The following C12orf42 variants were observed in gnomAD, a reference collection of about 807,000 sequenced individuals.
C12orf42 encodes chromosome 12 open reading frame 42.
Under a neutral mutation model 21.6 loss-of-function variants are expected in C12orf42, and 25 were observed. The observed-to-expected ratio is 1.16, with a 90% CI of 0.84 to 1.62. C12orf42 has a LOEUF of 1.62. Ranked by LOEUF, C12orf42 falls within the 40% of genes most tolerant of loss-of-function variation. C12orf42 has a pLI of 0.00. For missense variants in C12orf42, 483 were observed against 459.3 expected (o/e 1.05, Z -0.47); for synonymous variants, 174 against 175.0 (o/e 0.99, Z 0.05).
intron 2 of C12orf42, among the ~76,000 whole-genome samples, chr12:103,440,207 A>G (rs1951092333): frequency 7.0e-6 from 1 of 142,628 alleles, no homozygotes; most frequent in Non-Finnish European, 1.5e-5. Context: ...GAACTGAACA[A>G]TGAGATCACA....
intron 4 of C12orf42, among the ~76,000 whole-genome samples, chr12:103,310,253 T>C (rs905415834): frequency 1.3e-5 from 2 of 151,602 alleles, no homozygotes; most frequent in African/African-American, 4.9e-5. Flanking sequence ...CCTTCTCCCC[T>C]ACTCTCTCTC....
chr12:103,462,834 T>C (rs1316751), intron 2 of C12orf42, among the ~76,000 whole-genome samples: 125,696 of 152,150 alleles, frequency 0.83, 51,966 homozygotes, highest in Admixed American at 0.88. Context: ...AGAATAATAA[T>C]AATGCATTCA....
At chr12:103,353,930 A>AG (rs1420488778) in intron 4 of C12orf42, among the ~76,000 whole-genome samples, 3 of 152,166 alleles carry the variant, frequency 2.0e-5, no homozygotes, top group African/African-American at 7.2e-5. Flanking sequence ...CCAAAGAAAG[A>AG]GAAAGAAATC....
chr12:103,260,913 G>A (rs2034866345), intron 10 of C12orf42, among the ~76,000 whole-genome samples: 1 of 152,076 alleles, frequency 6.6e-6, no homozygotes, highest in South Asian at 2.1e-4. Flanking sequence ...CCCCTGAGTA[G>A]TCATGTTACC....
intron 4 of C12orf42, among the ~76,000 whole-genome samples, chr12:103,287,842 C>A (rs1452929897): frequency 6.6e-6 from 1 of 151,864 alleles, no homozygotes; most frequent in Non-Finnish European, 1.5e-5. Flanking sequence ...AAGTTTGAGA[C>A]CAACTTGTCA....
At chr12:103,237,071 A>T (rs935065701), downstream of C12orf42, among the ~76,000 whole-genome samples, 1 of 152,188 alleles carries the variant, frequency 6.6e-6, no homozygotes. Context: ...ACAAATGTCA[A>T]TATTTCTTAA....
chr12:103,321,874 GGAA>G (rs1416582461), intron 4 of C12orf42, among the ~76,000 whole-genome samples: 1 of 151,750 alleles, frequency 6.6e-6, no homozygotes, highest in East Asian at 1.9e-4. Flanking sequence ...GTGGGGTGGG[GGAA>G]GGGGGGAGGG....
chr12:103,283,696 G>A (rs1203818021), intron 4 of C12orf42, among the ~76,000 whole-genome samples: 1 of 152,096 alleles, frequency 6.6e-6, no homozygotes, highest in Non-Finnish European at 1.5e-5. Flanking sequence ...TATGCTTTCT[G>A]ACAGCATCAT....
the C12orf42 span, among the ~76,000 whole-genome samples, chr12:103,109,358 T>C: frequency 6.6e-6 from 1 of 151,946 alleles, no homozygotes; most frequent in Non-Finnish European, 1.5e-5. Flanking sequence ...GGTGTGCGTG[T>C]GTGTGTCTGT....
At chr12:103,123,994 G>T in the C12orf42 span, among the ~76,000 whole-genome samples, 1 of 151,774 alleles carries the variant, frequency 6.6e-6, no homozygotes, top group Non-Finnish European at 1.5e-5. Context: ...AGAAGTCCAG[G>T]TTCCAATAAT....
the C12orf42 span, among the ~76,000 whole-genome samples, chr12:103,529,472 C>G: frequency 1.3e-5 from 2 of 152,328 alleles, no homozygotes; most frequent in East Asian, 3.9e-4. Context: ...CGTCGGCTCT[C>G]CTCCCTTCTC....
chr12:103,466,499 T>C (rs1354540469), intron 2 of C12orf42, among the ~76,000 whole-genome samples: 2 of 152,128 alleles, frequency 1.3e-5, no homozygotes, highest in Non-Finnish European at 2.9e-5. Context: ...AATGAATAAA[T>C]TCAGCAAAAG....
intron 2 of C12orf42, among the ~76,000 whole-genome samples, chr12:103,424,068 G>A (rs1458569157): frequency 6.6e-6 from 1 of 152,222 alleles, no homozygotes; most frequent in African/African-American, 2.4e-5. Flanking sequence ...AATGAATGGA[G>A]GACATTGCAA....
At chr12:103,458,514 G>A (rs576055517) in intron 2 of C12orf42, among the ~76,000 whole-genome samples, 1 of 152,136 alleles carries the variant, frequency 6.6e-6, no homozygotes, top group African/African-American at 2.4e-5. Flanking sequence ...TCCCCACTTT[G>A]AGATAAAAAT....
At chr12:103,171,121 C>T in the C12orf42 span, among the ~76,000 whole-genome samples, 1 of 152,102 alleles carries the variant, frequency 6.6e-6, no homozygotes, top group Non-Finnish European at 1.5e-5. Flanking sequence ...AAGATTGTCA[C>T]CTTTATTTAT....
the C12orf42 span, among the ~76,000 whole-genome samples, chr12:103,143,490 T>C: frequency 6.6e-6 from 1 of 152,228 alleles, no homozygotes; most frequent in African/African-American, 2.4e-5. Flanking sequence ...CCCAGGACTG[T>C]AGAAACTCAC....
At chr12:103,266,422 G>C (rs1472975273), downstream of C12orf42, among the ~76,000 whole-genome samples, 1 of 152,082 alleles carries the variant, frequency 6.6e-6, no homozygotes, top group Admixed American at 6.6e-5. Context: ...TGGAAAACTG[G>C]AGAATACCTT....
the C12orf42 span, among the ~76,000 whole-genome samples, chr12:103,169,052 C>A: frequency 6.6e-6 from 1 of 151,936 alleles, no homozygotes; most frequent in African/African-American, 2.4e-5. Context: ...GGAGAAATAA[C>A]TAATGTAGAT....
the C12orf42 span, among the ~76,000 whole-genome samples, chr12:103,069,238 T>C: frequency 4.6e-5 from 7 of 151,572 alleles, no homozygotes; most frequent in Non-Finnish European, 8.8e-5. Context: ...AGATTCTGAT[T>C]CTCTTTTGTA....
Sources: allele counts gnomAD v4.1 joint callset (sites outside exome capture counted in the v4.1 genomes callset), GRCh38; gene constraint gnomAD v4.1.1; transcripts MANE v1.5; gene names NCBI Gene and HGNC (gene_info 2026-07-23, HGNC 2026-07-21).